The following STX8 variants were observed in gnomAD, a reference collection of about 807,000 sequenced individuals.
STX8 encodes syntaxin 8.
A neutral mutation model predicts 37.5 loss-of-function variants in STX8; 23 were observed. The observed-to-expected ratio is 0.61, with a 90% CI of 0.44 to 0.87. The LOEUF is 0.87. Among genes scored for constraint, STX8 ranks in the 40% least tolerant of loss-of-function variants. The probability of loss-of-function intolerance (pLI) is 0.00; values close to 1 mark genes in which losing one functional copy is unlikely to be tolerated. For synonymous variants in STX8, 115 were observed against 99.1 expected (o/e 1.16, Z -0.95); for missense variants, 313 against 284.7 (o/e 1.10, Z -0.71).
chr17:9,418,716 A>G (rs1166525238), intron 6 of STX8, among the ~76,000 whole-genome samples: 1 of 149,694 alleles, frequency 6.7e-6, no homozygotes, highest in African/African-American at 2.4e-5. Context: ...AGTCTCAGCT[A>G]CTTGGGAGGC....
chr17:9,319,784 C>G (rs1284572846), intron 7 of STX8, among the ~76,000 whole-genome samples: 3 of 150,778 alleles, frequency 2.0e-5, no homozygotes, highest in African/African-American at 7.3e-5. Context: ...AACCCTGTCT[C>G]TACTAAAAAT....
At chr17:9,339,684 C>G (rs373746911) in intron 7 of STX8, among the ~76,000 whole-genome samples, 3 of 152,050 alleles carry the variant, frequency 2.0e-5, no homozygotes, top group African/African-American at 7.2e-5. Flanking sequence ...CTCCTCATTC[C>G]TGCTGTGTAC....
intron 1 of STX8, 53 bp downstream of exon 1, chr17:9,575,739 C>CCCGGCCTCCCCGAAGGT: frequency 6.5e-7 from 1 of 1,543,208 alleles, no homozygotes; most frequent in Non-Finnish European, 8.7e-7. Flanking sequence ...TCTCCGGAAG[C>CCCGGCCTCCCCGAAGGT]CCGGCCTCCC....
At chr17:9,276,161 A>G (rs1907669939) in intron 7 of STX8, among the ~76,000 whole-genome samples, 1 of 152,150 alleles carries the variant, frequency 6.6e-6, no homozygotes, top group South Asian at 2.1e-4. Context: ...CAGCCGATCC[A>G]CAGGCTGGCC....
At chr17:9,455,343 C>CA (rs1034039189) in intron 6 of STX8, among the ~76,000 whole-genome samples, 1 of 151,554 alleles carries the variant, frequency 6.6e-6, no homozygotes, top group African/African-American at 2.4e-5. Context: ...ACTAAAAATA[C>CA]AAAAAAATTA....
At chr17:9,564,885 C>G (rs1018104188) in intron 2 of STX8, among the ~76,000 whole-genome samples, 1 of 152,152 alleles carries the variant, frequency 6.6e-6, no homozygotes, top group African/African-American at 2.4e-5. Flanking sequence ...AAAAAAGAGC[C>G]CAAATAGCCA....
At chr17:9,406,316 AAGAG>A (rs1912801519) in intron 6 of STX8, among the ~76,000 whole-genome samples, 1 of 152,192 alleles carries the variant, frequency 6.6e-6, no homozygotes, top group Non-Finnish European at 1.5e-5. Flanking sequence ...CACAAAAAAT[AAGAG>A]AGAAGTTCAA....
intron 6 of STX8, among the ~76,000 whole-genome samples, chr17:9,409,135 C>G (rs1319076954): frequency 6.6e-6 from 1 of 151,852 alleles, no homozygotes; most frequent in Non-Finnish European, 1.5e-5. Flanking sequence ...AGGCTCCACA[C>G]CTCAAATCTA....
intron 6 of STX8, among the ~76,000 whole-genome samples, chr17:9,449,457 G>A (rs530616876): frequency 6.6e-4 from 100 of 152,308 alleles, no homozygotes; most frequent in African/African-American, 2.1e-3. Flanking sequence ...CTACTCGGGC[G>A]GCTGAGGCAG....
chr17:9,352,907 C>G (rs1265172458), intron 7 of STX8, among the ~76,000 whole-genome samples: 1 of 149,604 alleles, frequency 6.7e-6, no homozygotes, highest in Admixed American at 6.7e-5. Context: ...TTTTCAGACT[C>G]TTTTTTCAGG....
Position 9,507,699 on chromosome 17 carries a change from C to T in STX8, c.324-2537G>A, listed in dbSNP as rs1013206449. Among the ~76,000 whole-genome samples, 4 of 152,192 alleles carry T rather than the reference C, an allele frequency of 2.6e-5. No homozygotes were observed. The highest frequency in any genetic ancestry group is 3.9e-4 in the East Asian group (2 of 5,194). ...CAAGTTGGACAACCCACCATGTGAA[C>T]GCATGCATCGCTGACCTGACAAATA... On this transcript the variant is annotated intron_variant, in intron 4 of 7. Coordinates refer to ENST00000306357, the MANE Select transcript of STX8 (RefSeq NM_004853.3). This position sits in a 1 kb window ranked among gnomAD's most constrained non-coding sequence, Gnocchi z 4.0.
At chr17:9,355,843 G>T (rs532563534) in intron 7 of STX8, among the ~76,000 whole-genome samples, 2 of 151,976 alleles carry the variant, frequency 1.3e-5, no homozygotes, top group Non-Finnish European at 2.9e-5. Flanking sequence ...GTAGAGACAG[G>T]GTCTCGCTAT....
chr17:9,291,218 A>G (rs1340021350), intron 7 of STX8, among the ~76,000 whole-genome samples: 1 of 152,132 alleles, frequency 6.6e-6, no homozygotes. Flanking sequence ...GCCGAAGCCG[A>G]AAAGTCACCC....
At chr17:9,440,848 A>C (rs1904623509) in intron 6 of STX8, among the ~76,000 whole-genome samples, 1 of 152,042 alleles carries the variant, frequency 6.6e-6, no homozygotes, top group African/African-American at 2.4e-5. Flanking sequence ...AACCACAGTT[A>C]CTGTCATTTT....
rs565993272 is a variant in STX8 at position 9,253,369 on chromosome 17, C to G, written c.644-2724G>C. On this transcript the variant is annotated intron_variant, in intron 7 of 7. Coordinates refer to ENST00000306357, the MANE Select transcript of STX8 (RefSeq NM_004853.3). ...AGAAGCAGAAGAACAAATCTTTTCA[C>G]TGATTTCTGCTCCAGAAACATCTTC... is the stretch of plus-strand genomic sequence containing the variant. Among the ~76,000 whole-genome samples, 7 of 152,214 alleles carry G rather than the reference C, an allele frequency of 4.6e-5. No individual in the cohort carries two copies. In the South Asian group the frequency reaches 1.5e-3, roughly 32 times the overall value.
At chr17:9,373,276 T>C (rs1035207782) in intron 7 of STX8, among the ~76,000 whole-genome samples, 3 of 152,090 alleles carry the variant, frequency 2.0e-5, no homozygotes, top group Non-Finnish European at 4.4e-5. Context: ...TCTGTATATA[T>C]ACACAAAAAA....
chr17:9,270,762 G>GT (rs1180980182), intron 7 of STX8, among the ~76,000 whole-genome samples: 2 of 152,200 alleles, frequency 1.3e-5, no homozygotes, highest in African/African-American at 4.8e-5. Context: ...TTCCAGTAAA[G>GT]TAAGTCCAGT....
intron 7 of STX8, among the ~76,000 whole-genome samples, chr17:9,341,595 C>T (rs189344061): frequency 1.3e-5 from 2 of 152,262 alleles, no homozygotes; most frequent in Admixed American, 1.3e-4. Flanking sequence ...TGCCACCAGG[C>T]CTGGCTAATT....
intron 7 of STX8, among the ~76,000 whole-genome samples, chr17:9,324,403 T>C (rs1391926811): frequency 6.6e-6 from 1 of 152,076 alleles, no homozygotes; most frequent in Non-Finnish European, 1.5e-5. Context: ...CAGGGGATGC[T>C]GACAGTTCTC....
Sources: allele counts gnomAD v4.1 joint callset (sites outside exome capture counted in the v4.1 genomes callset), GRCh38; gene constraint gnomAD v4.1.1; non-coding constraint Gnocchi (gnomAD v3.1); transcripts MANE v1.5; gene names NCBI Gene and HGNC (gene_info 2026-07-23, HGNC 2026-07-21).